GPR157: variants seen among roughly 807,000 people sequenced by gnomAD.
GPR157 encodes G-protein coupled receptor 157.
In GPR157, 16 loss-of-function variants were observed where a neutral mutation model predicts 23.5. The observed-to-expected ratio is 0.68, with a 90% CI of 0.46 to 1.04. GPR157 has a LOEUF of 1.04. Ranked by LOEUF, GPR157 falls within the 50% of genes least tolerant of loss-of-function variation. GPR157 has a pLI of 0.00. For synonymous variants in GPR157, 200 were observed against 221.5 expected, an observed-to-expected ratio of 0.90 and a Z score of 0.86; for missense variants, 440 against 460.7, an observed-to-expected ratio of 0.96 and a Z score of 0.41.
In GPR157 at chr1:9,105,846, C is replaced by T. The variant is rs184591975; in HGVS notation, c.598-166G>A. ...TGAACCCTGACTGCTAGATCCTCTG[C>T]CCAGTCCCCACCTCCACATGGAGGT... On this transcript the variant is annotated intron_variant, in intron 2 of 3. Coordinates refer to ENST00000377411, the MANE Select transcript of GPR157 (RefSeq NM_024980.5). This position sits in a 1 kb window ranked among gnomAD's most constrained non-coding sequence, Gnocchi z 4.8. Among the ~76,000 whole-genome samples, 805 of 152,198 alleles carry T rather than the reference C, an allele frequency of 5.3e-3. 5 individuals carry two copies. The highest frequency in any genetic ancestry group is 9.3e-3 in the Non-Finnish European group (633 of 68,014).
chr1:9,104,763 G>A, intron 3 of GPR157, 129 bp from the exon 4 acceptor site: 1 of 641,624 alleles, frequency 1.6e-6, no homozygotes, highest in South Asian at 1.9e-5. Flanking sequence ...CCCTTTGGGA[G>A]GCTGAGGTGG....
rs547904437 is a variant in GPR157 at position 9,109,672 on chromosome 1, G to C, written c.597+1604C>G. Among the ~76,000 whole-genome samples the C allele has an allele frequency of 1.4e-4, 21 of 152,262 alleles. 1 individual carries two copies. The South Asian group carries it at 2.9e-3, about 21-fold the overall frequency. On this transcript the variant is annotated intron_variant, in intron 2 of 3. Transcript: ENST00000377411. ...GCCCCCCAAACTGCTGGGATTATGG[G>C]CATGAGCTACTGCACCCAGTCCAAA...
At chr1:9,110,814 T>C (rs1287355797) in intron 2 of GPR157, among the ~76,000 whole-genome samples, 1 of 152,206 alleles carries the variant, frequency 6.6e-6, no homozygotes, top group African/African-American at 2.4e-5. Flanking sequence ...AGGTGAGTTA[T>C]TTGCGTCACT....
intron 1 of GPR157, among the ~76,000 whole-genome samples, chr1:9,117,027 C>T (rs897650647): frequency 7.2e-5 from 11 of 152,090 alleles, no homozygotes; most frequent in Admixed American, 3.3e-4. Flanking sequence ...AGACAAGAGC[C>T]GCCATGCCCA....
intron 1 of GPR157, among the ~76,000 whole-genome samples, chr1:9,127,351 T>G (rs111292159): frequency 6.6e-6 from 1 of 152,108 alleles, no homozygotes; most frequent in South Asian, 2.1e-4. Flanking sequence ...TCAATATTTT[T>G]AAAGACAAGA....
rs1293182953 is a variant in GPR157 at position 9,100,346 on chromosome 1, A to G, written c.*4073T>C. The G allele has an allele frequency of 3.9e-5, 6 of 152,166 alleles. No individual in the cohort carries two copies. Among genetic ancestry groups the G allele is most frequent in the Admixed American group, 3.9e-4 (6 of 15,270 alleles). 9.4% of individuals were successfully genotyped at this position (152,166 alleles called of 1,614,324 possible). Reference sequence around the variant, plus strand: ...TATTTATTTAATTTAAAACAGCAAGACTTCAGCTTCCACCCAGTCAGGGCT... The same window carrying G: ...TATTTATTTAATTTAAAACAGCAAGGCTTCAGCTTCCACCCAGTCAGGGCT... On this transcript the variant is annotated 3_prime_UTR_variant, in exon 4 of 4. Transcript: ENST00000377411.
intron 2 of GPR157, among the ~76,000 whole-genome samples, chr1:9,107,371 G>A (rs992657723): frequency 2.6e-5 from 4 of 152,214 alleles, no homozygotes; most frequent in Non-Finnish European, 4.4e-5. Flanking sequence ...AGGAGTGGTG[G>A]CTCATGCCTG....
Position 9,105,406 on chromosome 1 carries a change from A to G in GPR157, c.792+80T>C. The G allele has an allele frequency of 7.6e-7, 1 of 1,316,266 alleles. No individual in the cohort carries two copies. The highest frequency in any genetic ancestry group is 2.7e-4 in the Middle Eastern group (1 of 3,770). The allele number at this position is 1,316,266 out of a possible 1,614,324, so 81.5% of individuals were successfully genotyped here. On this transcript the variant is annotated intron_variant, in intron 3 of 3. Coordinates refer to ENST00000377411, the MANE Select transcript of GPR157 (RefSeq NM_024980.5). The surrounding 1 kb of genome is among the most constrained non-coding windows in gnomAD (Gnocchi z 4.8). ...TGTGCCTTGGCCGACACTGGGGTGC[A>G]GCCACTGTGCTGCGGGAAGGAATCA... is the stretch of plus-strand genomic sequence containing the variant.
intron 1 of GPR157, among the ~76,000 whole-genome samples, chr1:9,125,728 C>T (rs1017954073): frequency 6.6e-6 from 1 of 152,176 alleles, no homozygotes; most frequent in African/African-American, 2.4e-5. Context: ...CCTGTTCCCC[C>T]ACTGTTGGAC....
chr1:9,113,999 A>ACACC (rs1385578540), intron 1 of GPR157, among the ~76,000 whole-genome samples: 3 of 136,854 alleles, frequency 2.2e-5, no homozygotes, highest in African/African-American at 8.1e-5. Context: ...ACACACACAC[A>ACACC]CCACCCATAA....
Position 9,102,483 on chromosome 1 carries a change from T to G in GPR157, c.*1936A>C, listed in dbSNP as rs1364738416. The G allele has an allele frequency of 6.6e-6, 1 of 152,088 alleles. No individual in the cohort carries two copies. Among genetic ancestry groups the G allele is most frequent in the Non-Finnish European group, 1.5e-5 (1 of 68,018 alleles). 9.4% of individuals were successfully genotyped at this position (152,088 alleles called of 1,614,324 possible). The stretch of plus-strand genomic sequence containing the variant: ...CACAGGAAACCAAAAATGAGCATTT[T>G]GGACTCAGTCTGCTAAATGATTATT... On this transcript the variant is annotated 3_prime_UTR_variant, in exon 4 of 4. Transcript: ENST00000377411.
chr1:9,128,427 G>A lies in GPR157; in HGVS notation c.383+218C>T. On this transcript the variant is annotated intron_variant, in intron 1 of 3. Coordinates refer to ENST00000377411, the MANE Select transcript of GPR157 (RefSeq NM_024980.5). The surrounding 1 kb of genome is among the most constrained non-coding windows in gnomAD (Gnocchi z 6.3). ...TGTCCCCACTACCCCAAGGGGCTGT[G>A]CCCTGGGGCAGGCACAGCGGGGCTC... 1.4e-6 allele frequency: 1 copy of A among 690,216 alleles called. No homozygotes were observed. Among genetic ancestry groups the A allele is most frequent in the Middle Eastern group, 2.3e-4 (1 of 4,290 alleles). The allele number at this position is 690,216 out of a possible 1,614,324, so 42.8% of individuals were successfully genotyped here.
chr1:9,111,835 T>C (rs1638505799), intron 1 of GPR157, among the ~76,000 whole-genome samples: 1 of 152,144 alleles, frequency 6.6e-6, no homozygotes, highest in South Asian at 2.1e-4. Context: ...CTGGGCGTGG[T>C]GGTGCACACC....
rs756249225 is a variant in GPR157, at chr1:9,118,330, G to A, written c.384-6841C>T. ...TGACAGGTGCTGGGTGGGGGTGCAAGGTGGGGATGTGGGTTAGAGCAGGTG... is the reference window on the plus strand; with the variant it reads ...TGACAGGTGCTGGGTGGGGGTGCAAAGTGGGGATGTGGGTTAGAGCAGGTG... On this transcript the variant is annotated intron_variant, in intron 1 of 3. Transcript: ENST00000377411. This position sits in a 1 kb window ranked among gnomAD's most constrained non-coding sequence, Gnocchi z 4.6. Among the ~76,000 whole-genome samples, 1 of 152,090 alleles carries A rather than the reference G, an allele frequency of 6.6e-6. No homozygotes were observed. The highest frequency in any genetic ancestry group is 1.5e-5 in the Non-Finnish European group (1 of 67,998).
intron 1 of GPR157, among the ~76,000 whole-genome samples, chr1:9,127,271 G>A (rs1027108304): frequency 6.6e-6 from 1 of 152,050 alleles, no homozygotes; most frequent in Non-Finnish European, 1.5e-5. Flanking sequence ...CCCAACTCAG[G>A]TTTGCTGGGC....
chr1:9,125,005 G>A (rs555389216), intron 1 of GPR157, among the ~76,000 whole-genome samples: 124 of 152,076 alleles, frequency 8.2e-4, no homozygotes, highest in Admixed American at 4.9e-3. Flanking sequence ...GGCACCGCGG[G>A]CGACCCCCCT....
At chr1:9,111,234 G>A (rs182890536) in intron 2 of GPR157, 42 bp downstream of exon 2, 2 of 1,582,380 alleles carry the variant, frequency 1.3e-6, no homozygotes, top group African/African-American at 1.3e-5. Flanking sequence ...CCTGGGCACA[G>A]CGGCCATGCA....
intron 1 of GPR157, among the ~76,000 whole-genome samples, chr1:9,115,638 T>C (rs1638619122): frequency 6.6e-6 from 1 of 152,090 alleles, no homozygotes; most frequent in South Asian, 2.1e-4. Flanking sequence ...TGCTCCATGA[T>C]CCTGTCTCTT....
At chr1:9,106,936 C>T (rs1638355492) in intron 2 of GPR157, among the ~76,000 whole-genome samples, 1 of 152,118 alleles carries the variant, frequency 6.6e-6, no homozygotes, top group Non-Finnish European at 1.5e-5. Flanking sequence ...TGCACTCCAG[C>T]CTGGGCAACA....
Sources: allele counts gnomAD v4.1 joint callset (sites outside exome capture counted in the v4.1 genomes callset), GRCh38; gene constraint gnomAD v4.1.1; non-coding constraint Gnocchi (gnomAD v3.1); transcripts MANE v1.5; gene names NCBI Gene and HGNC (gene_info 2026-07-23, HGNC 2026-07-21).